Variants in MED15 observed in about 807,000 individuals in gnomAD.
MED15 encodes the protein mediator complex subunit 15.
In MED15, 41 loss-of-function variants were observed where a neutral mutation model predicts 118.7. That is an observed-to-expected ratio of 0.35 (90% CI 0.27 to 0.45). The LOEUF is 0.45. Ranked by LOEUF, MED15 falls within the 20% of genes least tolerant of loss-of-function variation. MED15 has a pLI of 1.00. For missense variants in MED15, 740 were observed against 1,025.5 expected (o/e 0.72, Z 3.80); for synonymous variants, 436 against 413.9 (o/e 1.05, Z -0.65).
chr22:20,517,316 G>A (rs911946839), intron 1 of MED15, among the ~76,000 whole-genome samples: 2 of 152,098 alleles, frequency 1.3e-5, no homozygotes, highest in African/African-American at 2.4e-5. Context: ...TTGATCCTTC[G>A]TGCAGTGTCT....
intron 5 of MED15, 27 bp from the exon 6 acceptor site, chr22:20,564,423 T>TC (rs752433214): frequency 6.2e-7 from 1 of 1,612,932 alleles, no homozygotes; most frequent in South Asian, 1.1e-5. Context: ...CCCTGTGGAC[T>TC]GACTGGCGAC....
chr22:20,556,878 A>T (rs1055847980), intron 5 of MED15, among the ~76,000 whole-genome samples: 11 of 152,040 alleles, frequency 7.2e-5, no homozygotes, highest in Non-Finnish European at 1.6e-4. Flanking sequence ...ACTTTTTGAG[A>T]TTGGCTTTTT....
intron 9 of MED15, 49 bp downstream of exon 9, chr22:20,575,281 T>C (rs751116670): frequency 6.3e-7 from 1 of 1,597,552 alleles, no homozygotes; most frequent in Non-Finnish European, 8.5e-7. Context: ...CGGGGCGTCC[T>C]CTGAGCGCCT....
chr22:20,520,538 G>A (rs2054409129), intron 1 of MED15, among the ~76,000 whole-genome samples: 2 of 152,338 alleles, frequency 1.3e-5, no homozygotes, highest in South Asian at 4.1e-4. Flanking sequence ...CAGGCTCAGA[G>A]CTCTTGCTTA....
At chr22:20,563,619 G>T (rs1003351146) in intron 5 of MED15, among the ~76,000 whole-genome samples, 2 of 152,170 alleles carry the variant, frequency 1.3e-5, no homozygotes, top group African/African-American at 4.8e-5. Context: ...TGGTTAAATT[G>T]TCCAGAACTT....
chr22:20,557,823 G>C (rs1465967927), intron 5 of MED15, among the ~76,000 whole-genome samples: 1 of 152,022 alleles, frequency 6.6e-6, no homozygotes, highest in Non-Finnish European at 1.5e-5. Flanking sequence ...AGTTACAGTG[G>C]GGGCTGGGCA....
At chr22:20,579,321 G>C (rs772224016) in intron 9 of MED15, among the ~76,000 whole-genome samples, 4 of 152,172 alleles carry the variant, frequency 2.6e-5, no homozygotes, top group Non-Finnish European at 5.9e-5. Flanking sequence ...TGGGCACAGG[G>C]CCTGGCTTCC....
chr22:20,553,811 C>T (rs1177081258), intron 4 of MED15, among the ~76,000 whole-genome samples: 2 of 152,190 alleles, frequency 1.3e-5, no homozygotes, highest in African/African-American at 2.4e-5. Flanking sequence ...GCTGAGGTTG[C>T]AGTGAGTTGA....
intron 9 of MED15, 62 bp downstream of exon 9, chr22:20,575,294 G>A (rs1394426861): frequency 1.3e-6 from 2 of 1,579,280 alleles, no homozygotes; most frequent in Non-Finnish European, 1.7e-6. Flanking sequence ...GAGCGCCTTT[G>A]TAAAGCGCAC....
intron 2 of MED15, among the ~76,000 whole-genome samples, chr22:20,543,361 A>G (rs1665729261): frequency 6.7e-6 from 1 of 149,756 alleles, no homozygotes; most frequent in Non-Finnish European, 1.5e-5. Context: ...ATAGGTGCCC[A>G]CCACCACACC....
At chr22:20,564,421 ACT>A in intron 5 of MED15, 27 bp from the exon 6 acceptor site, 1 of 1,612,630 alleles carries the variant, frequency 6.2e-7, no homozygotes, top group Non-Finnish European at 8.5e-7. Context: ...TGCCCTGTGG[ACT>A]GACTGGCGAC....
intron 1 of MED15, among the ~76,000 whole-genome samples, chr22:20,517,996 G>A (rs1013845933): frequency 6.6e-6 from 1 of 152,126 alleles, no homozygotes; most frequent in African/African-American, 2.4e-5. Context: ...CTCAGGAGTG[G>A]GATTTGTGAA....
chr22:20,512,749 G>C (rs1355031491), intron 1 of MED15, among the ~76,000 whole-genome samples: 1 of 150,334 alleles, frequency 6.7e-6, no homozygotes, highest in Non-Finnish European at 1.5e-5. Flanking sequence ...CCGCCACCAC[G>C]CCCAGCTAAT....
At chr22:20,544,362 G>A (rs1455286818) in intron 2 of MED15, among the ~76,000 whole-genome samples, 1 of 152,100 alleles carries the variant, frequency 6.6e-6, no homozygotes, top group Non-Finnish European at 1.5e-5. Context: ...CAAGCTTGGT[G>A]GCTTAAAAGA....
At chr22:20,557,046 A>G (rs1384377424) in intron 5 of MED15, among the ~76,000 whole-genome samples, 1 of 152,158 alleles carries the variant, frequency 6.6e-6, no homozygotes, top group African/African-American at 2.4e-5. Flanking sequence ...GCTTACTATT[A>G]TGCAAACAAA....
chr22:20,511,250 C>G (rs2054052879), intron 1 of MED15, among the ~76,000 whole-genome samples: 1 of 152,092 alleles, frequency 6.6e-6, no homozygotes. Context: ...GTGACTCACA[C>G]CTGTAATCCC....
intron 8 of MED15, chr22:20,573,873 ACT>A (rs1250982715): frequency 3.3e-5 from 5 of 151,388 alleles, no homozygotes; most frequent in African/African-American, 1.2e-4. Context: ...TGGTAAATCG[ACT>A]CTCACCCACT....
At chr22:20,548,007 A>G (rs2055620080) in intron 2 of MED15, among the ~76,000 whole-genome samples, 1 of 152,014 alleles carries the variant, frequency 6.6e-6, no homozygotes, top group Non-Finnish European at 1.5e-5. Flanking sequence ...CTCAAAAAAT[A>G]TATATATTTT....
chr22:20,583,428 A>G, intron 13 of MED15, 35 bp downstream of exon 13: 1 of 1,609,796 alleles, frequency 6.2e-7, no homozygotes, highest in Non-Finnish European at 8.5e-7. Flanking sequence ...AGGGTCCACA[A>G]GGGCACAGAT....
Sources: gnomAD v4.1 joint callset for allele counts (sites outside exome capture counted in the v4.1 genomes callset) on GRCh38, gnomAD v4.1.1 for gene constraint, MANE v1.5 for transcripts, NCBI Gene and HGNC (gene_info 2026-07-23, HGNC 2026-07-21) for gene names.